Variants in LRIF1 observed in about 807,000 individuals in gnomAD.
LRIF1 encodes ligand dependent nuclear receptor interacting factor 1.
In LRIF1, 32 loss-of-function variants were observed where a neutral mutation model predicts 52.7. The observed-to-expected ratio is 0.61, with a 90% CI of 0.46 to 0.82. LRIF1 has a LOEUF of 0.82. Among genes scored for constraint, LRIF1 ranks in the 40% least tolerant of loss-of-function variants. The probability of loss-of-function intolerance (pLI) is 0.00; values close to 1 mark genes in which losing one functional copy is unlikely to be tolerated. For synonymous variants in LRIF1, 323 were observed against 317.4 expected (o/e 1.02, Z -0.19); for missense variants, 887 against 892.0 (o/e 0.99, Z 0.07).
chr1:110,949,527 C>T (rs1237715493), intron 3 of LRIF1, among the ~76,000 whole-genome samples: 1 of 151,490 alleles, frequency 6.6e-6, no homozygotes, highest in East Asian at 1.9e-4. Flanking sequence ...TCAAGTGATT[C>T]TCCTGCCTCA....
the LRIF1 span, among the ~76,000 whole-genome samples, chr1:110,934,732 G>A: frequency 6.6e-6 from 1 of 152,190 alleles, no homozygotes; most frequent in African/African-American, 2.4e-5. Flanking sequence ...TGACTTCCAG[G>A]TGGCACCTCT....
chr1:110,962,729 A>G (rs1048419671), intron 1 of LRIF1, among the ~76,000 whole-genome samples: 3 of 152,194 alleles, frequency 2.0e-5, no homozygotes, highest in Non-Finnish European at 4.4e-5. Flanking sequence ...AACCCCAGGT[A>G]GCTTGATTTT....
chr1:110,927,736 C>T, the LRIF1 span, among the ~76,000 whole-genome samples: 1 of 152,126 alleles, frequency 6.6e-6, no homozygotes, highest in South Asian at 2.1e-4. Context: ...TCTTGCAGCC[C>T]ACCCTAACTA....
the LRIF1 span, among the ~76,000 whole-genome samples, chr1:110,929,200 A>C: frequency 6.6e-6 from 1 of 152,194 alleles, no homozygotes; most frequent in African/African-American, 2.4e-5. Context: ...TGTCCTTGCT[A>C]TTGTGAATAG....
the LRIF1 span, among the ~76,000 whole-genome samples, chr1:110,927,402 G>T: frequency 2.0e-4 from 30 of 152,164 alleles, no homozygotes; most frequent in Non-Finnish European, 1.2e-4. Flanking sequence ...AATGTAGTGT[G>T]AGCGAGCAAG....
chr1:110,888,328 C>A, the LRIF1 span, among the ~76,000 whole-genome samples: 1 of 152,182 alleles, frequency 6.6e-6, no homozygotes, highest in African/African-American at 2.4e-5. Context: ...TTGTACATTG[C>A]GGTGTCCTGT....
chr1:110,942,069 A>AT, the LRIF1 span: 2 of 152,122 alleles, frequency 1.3e-5, no homozygotes, highest in East Asian at 1.9e-4. Flanking sequence ...TTCTTTTCTT[A>AT]TACCTATTTA....
chr1:110,876,141 A>C, the LRIF1 span, among the ~76,000 whole-genome samples: 2 of 152,254 alleles, frequency 1.3e-5, no homozygotes, highest in Non-Finnish European at 2.9e-5. Flanking sequence ...AAAGTATCTT[A>C]ACTCACAATG....
the LRIF1 span, among the ~76,000 whole-genome samples, chr1:110,917,173 T>G: frequency 5.3e-5 from 8 of 152,222 alleles, no homozygotes; most frequent in Non-Finnish European, 1.2e-4. Flanking sequence ...AAGTTTCTCC[T>G]GCAGGACACC....
downstream of LRIF1, among the ~76,000 whole-genome samples, chr1:110,946,207 T>C (rs78432490): frequency 0.056 from 8,562 of 152,196 alleles, 290 homozygotes; most frequent in East Asian, 0.14. Context: ...TTGAAAACAT[T>C]AGACTAAGTA....
At chr1:110,918,882 C>T in the LRIF1 span, among the ~76,000 whole-genome samples, 13 of 152,150 alleles carry the variant, frequency 8.5e-5, no homozygotes, top group Admixed American at 5.2e-4. Context: ...ACCACTCCCT[C>T]CACCCAGTTG....
At chr1:110,894,935 C>T in the LRIF1 span, 7 of 1,573,416 alleles carry the variant, frequency 4.4e-6, no homozygotes, top group African/African-American at 2.7e-5. Context: ...TACCATGTCT[C>T]CTCTGCTGGA....
At chr1:110,900,186 C>G in the LRIF1 span, among the ~76,000 whole-genome samples, 1 of 152,280 alleles carries the variant, frequency 6.6e-6, no homozygotes, top group Non-Finnish European at 1.5e-5. Flanking sequence ...CCTTAAGGCT[C>G]AACTGAAAGA....
At position 110,951,836 on chromosome 1, in the gene LRIF1, T is replaced by C. The variant is rs762896354; in HGVS notation, c.1048A>G (p.Met350Val). 1 of 1,613,068 alleles carries C rather than the reference T, an allele frequency of 6.2e-7. No homozygotes were observed. The highest frequency in any genetic ancestry group is 1.1e-5 in the South Asian group (1 of 91,082). ...IDPSGTRSKN[M>V]PIKDNALVMF... ...ACCAAAGCATTATCTTTAATAGGCA[T>C]ATTTTTGGATCGCGTCCCACTAGGA... Residue 350 changes from methionine to valine, a missense_variant, in exon 2 of 4, where the codon ATG (methionine) becomes GTG (valine). Transcript: ENST00000369763.
the LRIF1 span, chr1:110,894,459 G>A: frequency 1.6e-6 from 2 of 1,282,850 alleles, no homozygotes; most frequent in Middle Eastern, 1.9e-4. Context: ...AGTATGCAGT[G>A]GAGAAGTTGG....
chr1:110,934,888 G>C, the LRIF1 span, among the ~76,000 whole-genome samples: 1 of 152,194 alleles, frequency 6.6e-6, no homozygotes, highest in Non-Finnish European at 1.5e-5. Flanking sequence ...GTGAGATCCA[G>C]TGCTATGCTA....
chr1:110,960,005 G>C (rs554442723), intron 1 of LRIF1, among the ~76,000 whole-genome samples: 1 of 151,802 alleles, frequency 6.6e-6, no homozygotes, highest in African/African-American at 2.4e-5. Flanking sequence ...ATATATCTAA[G>C]TACATAACAT....
chr1:110,933,628 A>T, the LRIF1 span, among the ~76,000 whole-genome samples: 1 of 152,292 alleles, frequency 6.6e-6, no homozygotes, highest in Non-Finnish European at 1.5e-5. Context: ...CCACCCATGG[A>T]GGGAGAACTT....
At chr1:110,890,840 A>G in the LRIF1 span, among the ~76,000 whole-genome samples, 1 of 152,256 alleles carries the variant, frequency 6.6e-6, no homozygotes, top group Non-Finnish European at 1.5e-5. Context: ...CATCTTCCAC[A>G]ACATCTAGAA....
Sources: allele counts gnomAD v4.1 joint callset (sites outside exome capture counted in the v4.1 genomes callset), GRCh38; gene constraint gnomAD v4.1.1; transcripts MANE v1.5; gene names NCBI Gene and HGNC (gene_info 2026-07-23, HGNC 2026-07-21).